STARD7: variants seen among roughly 807,000 people sequenced by gnomAD.
STARD7 encodes the protein StAR related lipid transfer domain containing 7, also known as stAR-related lipid transfer protein 7, mitochondrial.
In STARD7, 30 loss-of-function variants were observed where a neutral mutation model predicts 45.3. That is an observed-to-expected ratio of 0.66 (90% confidence interval 0.50 to 0.90). The LOEUF (loss-of-function observed/expected upper bound fraction) is 0.90, where lower values mean the gene tolerates loss of function less well. STARD7 is among the 40% of genes least tolerant of loss of function. The pLI, the probability that STARD7 is intolerant of heterozygous loss-of-function variation, is 0.00. For missense variants in STARD7, 495 were observed against 491.3 expected (o/e 1.01, Z -0.07); for synonymous variants, 199 against 183.0 (o/e 1.09, Z -0.70).
At position 96,196,267 on chromosome 2, in the gene STARD7, A is replaced by T. The variant is rs146983939; in HGVS notation, c.291-718T>A. Among the ~76,000 whole-genome samples the T allele has an allele frequency of 5.6e-4, 85 of 152,258 alleles. 1 individual carries two copies. The East Asian group carries it at 0.016, about 29-fold the overall frequency. On this transcript the variant is annotated intron_variant, in intron 1 of 7. Transcript: ENST00000337288. ...ACTCCTTGAGGCCAGGTTCAAGACT[A>T]ACCTGGGAAACACAGTGAGACCCTA...
At chr2:96,202,500 G>T (rs1252484393) in intron 1 of STARD7, among the ~76,000 whole-genome samples, 2 of 148,518 alleles carry the variant, frequency 1.3e-5, no homozygotes, top group Non-Finnish European at 3.0e-5. Flanking sequence ...TAGGCATTTA[G>T]ATGTTGCAGA....
intron 1 of STARD7, among the ~76,000 whole-genome samples, chr2:96,206,032 A>T (rs1683383199): frequency 6.6e-6 from 1 of 152,206 alleles, no homozygotes; most frequent in Non-Finnish European, 1.5e-5. Flanking sequence ...TGGTTAACTC[A>T]GAGCAGTCCC....
chr2:96,195,836 G>A (rs1683195727), intron 1 of STARD7, among the ~76,000 whole-genome samples: 1 of 152,068 alleles, frequency 6.6e-6, no homozygotes, highest in Non-Finnish European at 1.5e-5. Context: ...GTCAAGTGCT[G>A]CAGGGCGTGG....
At position 96,186,689 on chromosome 2, in the gene STARD7, CAGGGCTAGA is replaced by C; in HGVS notation, c.*32_*40del. The C allele has an allele frequency of 1.3e-6, 2 of 1,511,216 alleles. No homozygotes were observed. The highest frequency in any genetic ancestry group is 1.8e-6 in the Non-Finnish European group (2 of 1,117,090). 93.6% of individuals were successfully genotyped at this position (1,511,216 alleles called of 1,614,324 possible). The stretch of plus-strand genomic sequence containing the variant: ...ACAGCAGAGTGATAACGGACTGAGA[CAGGGCTAGA>C]AGCACCTTGTCCCTTCTTATCCCAA... On this transcript the variant is annotated 3_prime_UTR_variant, in exon 8 of 8. Transcript: ENST00000337288.
intron 1 of STARD7, among the ~76,000 whole-genome samples, chr2:96,201,370 C>T (rs186477619): frequency 1.4e-5 from 2 of 145,124 alleles, no homozygotes; most frequent in Admixed American, 1.5e-4. Flanking sequence ...GAGCCCAGGA[C>T]TTCAAGACCA....
rs769215113 is a variant in STARD7, at chr2:96,192,441, C to T, written c.771G>A (p.Glu257=). The change falls in exon 6 of 8, where the codon GAG becomes GAA. Residue 257 remains glutamate, a synonymous_variant. Coordinates refer to ENST00000337288, the MANE Select transcript of STARD7 (RefSeq NM_020151.4). ...ATCTGACCCTGACGAATTCTGGAGA[C>T]TCTGGCACACTCGGATGCTCCACAG... ...SRAVEHPSVP[E]SPEFVRVRSY... 6.2e-7 allele frequency: 1 copy of T among 1,613,808 alleles called. No homozygotes were observed. The highest frequency in any genetic ancestry group is 1.1e-5 in the South Asian group (1 of 91,076).
chr2:96,206,885 C>A (rs1023060171), intron 1 of STARD7, among the ~76,000 whole-genome samples: 1 of 150,134 alleles, frequency 6.7e-6, no homozygotes, highest in Non-Finnish European at 1.5e-5. Context: ...AATTTGTCAA[C>A]TTAGAAGTTT....
chr2:96,207,494 G>C (rs757659903), intron 1 of STARD7, among the ~76,000 whole-genome samples: 4 of 152,312 alleles, frequency 2.6e-5, no homozygotes, highest in South Asian at 2.1e-4. Context: ...GTAATCAATG[G>C]TACTGGGCTT....
rs762020485 is a variant in STARD7 at position 96,195,447 on chromosome 2, A to C, written c.393T>G (p.Asn131Lys). The C allele has an allele frequency of 6.2e-6, 10 of 1,613,396 alleles. No homozygotes were observed. The African/African-American group carries it at 1.2e-4, about 19-fold the overall frequency. ...GTTGCTCTTTGCCCTCTGAATCTTCATTCCCTTCTGTTTGGGCTTTTGGTT... is the reference window on the plus strand; with the variant it reads ...GTTGCTCTTTGCCCTCTGAATCTTCCTTCCCTTCTGTTTGGGCTTTTGGTT... ...PPEPKAQTEG[N>K]EDSEGKEQRW... The change falls in exon 2 of 8, where the codon AAT becomes AAG. Residue 131 changes from asparagine to lysine, a missense_variant. Asn to Lys is a moderately conservative substitution (Grantham distance 94). This residue lies in a region of STARD7 where 282 missense variants were observed against 220.1 expected (regional missense o/e 1.28). Coordinates refer to ENST00000337288, the MANE Select transcript of STARD7 (RefSeq NM_020151.4).
chr2:96,195,349 T>A lies in STARD7; in HGVS notation c.491A>T (p.Gln164Leu), dbSNP rs1027139678. 6.4e-7 allele frequency: 1 copy of A among 1,571,576 alleles called. No individual in the cohort carries two copies. Among genetic ancestry groups the A allele is most frequent in the East Asian group, 2.3e-5 (1 of 43,086 alleles). The change falls in exon 2 of 8, where the codon CAG becomes CTG. Residue 164 changes from glutamine (Q) to leucine (L), a missense_variant. By Grantham distance (113) the Gln-to-Leu change is moderately radical. Coordinates refer to ENST00000337288, the MANE Select transcript of STARD7 (RefSeq NM_020151.4). ...AGCCACACTGGGCTCACCTCGGTAC[T>A]GGTAAAGGTGGGTGCCTGTAATTGG... ...RRPITGTHLY[Q>L]YRVFGTYTDV...
chr2:96,202,050 A>G (rs1683312819), intron 1 of STARD7, among the ~76,000 whole-genome samples: 1 of 152,156 alleles, frequency 6.6e-6, no homozygotes, highest in African/African-American at 2.4e-5. Context: ...ACTTGGATGA[A>G]AATATTTATA....
At chr2:96,189,098 C>A (rs970065706) in intron 6 of STARD7, among the ~76,000 whole-genome samples, 1 of 151,974 alleles carries the variant, frequency 6.6e-6, no homozygotes, top group Admixed American at 6.6e-5. Context: ...TACAGGCATG[C>A]ACTACCACCA....
chr2:96,195,916 C>T lies in STARD7; in HGVS notation c.291-367G>A, dbSNP rs554080278. 3.3e-5 allele frequency among the ~76,000 whole-genome samples: 5 copies of T among 151,886 alleles called. No individual in the cohort carries two copies. The South Asian group carries it at 1.0e-3, about 32-fold the overall frequency. ...GATCACGAGGTCAGGAGCTCAAAAC[C>T]AGCCTGATCAACATGGTGAAACCCT... On this transcript the variant is annotated intron_variant, in intron 1 of 7. Transcript: ENST00000337288.
At chr2:96,192,504 A>C in intron 5 of STARD7, 36 bp from the exon 6 acceptor site, 1 of 1,494,188 alleles carries the variant, frequency 6.7e-7, no homozygotes, top group Non-Finnish European at 9.3e-7. Context: ...ACTCTTAGTA[A>C]TGTCTATATA....
Position 96,193,158 on chromosome 2 carries a change from ATAC to A in STARD7, c.661-1_662del. ...AAACATAATCCCGTGAGTACATTGG[ATAC>A]TAAAGAAATGGAGGAGCAGGATTAG... On this transcript the variant is annotated splice_acceptor_variant and coding_sequence_variant, in exon 5 of 8. Transcript: ENST00000337288. LOFTEE classifies it high-confidence loss of function. 1 of 1,611,308 alleles carries A rather than the reference ATAC, an allele frequency of 6.2e-7. No individual in the cohort carries two copies. The highest frequency in any genetic ancestry group is 1.3e-5 in the African/African-American group (1 of 75,012).
intron 1 of STARD7, among the ~76,000 whole-genome samples, chr2:96,200,972 A>G (rs1683294999): frequency 6.6e-6 from 1 of 152,132 alleles, no homozygotes; most frequent in South Asian, 2.1e-4. Context: ...ATGCCTTTTC[A>G]CCCTTCAAGC....
At chr2:96,189,390 T>C (rs988348278) in intron 6 of STARD7, among the ~76,000 whole-genome samples, 4 of 152,132 alleles carry the variant, frequency 2.6e-5, no homozygotes, top group Non-Finnish European at 5.9e-5. Context: ...GCTGCATATC[T>C]TTACTCTGAC....
Position 96,200,779 on chromosome 2 carries a change from T to C in STARD7, c.291-5230A>G, listed in dbSNP as rs139917826. Among the ~76,000 whole-genome samples the C allele has an allele frequency of 9.1e-3, 1,389 of 152,246 alleles. 25 individuals are homozygous for C. The highest frequency in any genetic ancestry group is 0.032 in the African/African-American group (1,327 of 41,542). ...GATCCTTTCACTTCAGCCTCCCAAG[T>C]AGCTGGCACAATAGGCGTGTGCTAC... On this transcript the variant is annotated intron_variant, in intron 1 of 7. Transcript: ENST00000337288.
intron 3 of STARD7, among the ~76,000 whole-genome samples, chr2:96,194,715 A>G (rs1004877086): frequency 6.6e-6 from 1 of 152,244 alleles, no homozygotes. Flanking sequence ...TAAAGTATTC[A>G]TATCCATTCC....
Sources: gnomAD v4.1 joint callset for allele counts (sites outside exome capture counted in the v4.1 genomes callset) on GRCh38, gnomAD v4.1.1 for gene constraint, gnomAD v4.1.1 regional missense constraint, MANE v1.5 for transcripts, NCBI Gene and HGNC (gene_info 2026-07-23, HGNC 2026-07-21) for gene names.